The following CTNNA3 variants were observed in gnomAD, a reference collection of about 807,000 sequenced individuals.
CTNNA3 encodes catenin alpha-3.
Under a neutral mutation model 95.7 loss-of-function variants are expected in CTNNA3, and 76 were observed. The ratio of observed to expected loss-of-function variants is 0.79; its 90% CI spans 0.66 to 0.96. CTNNA3 has a LOEUF of 0.96. Ranked by LOEUF, CTNNA3 falls within the 40% of genes least tolerant of loss-of-function variation. The probability of loss-of-function intolerance (pLI) is 0.00; values close to 1 mark genes in which losing one functional copy is unlikely to be tolerated. For synonymous variants in CTNNA3, 431 were observed against 374.4 expected (o/e 1.15, Z -1.74); for missense variants, 1,191 against 1,089.8 (o/e 1.09, Z -1.31).
At chr10:67,611,317 CTTT>C (rs758580479) in intron 2 of CTNNA3, among the ~76,000 whole-genome samples, 2 of 144,086 alleles carry the variant, frequency 1.4e-5, no homozygotes, top group African/African-American at 2.5e-5. Context: ...AATATGTTGA[CTTT>C]TTTTTTTTTT....
intron 1 of CTNNA3, among the ~76,000 whole-genome samples, chr10:67,711,907 A>C (rs1189905216): frequency 2.0e-5 from 3 of 152,098 alleles, no homozygotes; most frequent in Non-Finnish European, 4.4e-5. Context: ...TACAAAGGAC[A>C]TGAACTCATC....
chr10:66,164,653 T>G (rs2133944533), intron 13 of CTNNA3, among the ~76,000 whole-genome samples: 1 of 152,332 alleles, frequency 6.6e-6, no homozygotes, highest in East Asian at 1.9e-4. Context: ...AAAATCTCTG[T>G]AAATGTTATT....
intron 9 of CTNNA3, among the ~76,000 whole-genome samples, chr10:66,661,104 T>C (rs901374884): frequency 6.6e-6 from 1 of 152,084 alleles, no homozygotes; most frequent in African/African-American, 2.4e-5. Context: ...TATTTTTTGA[T>C]ACTAAACAAT....
intron 15 of CTNNA3, among the ~76,000 whole-genome samples, chr10:66,020,648 A>C (rs2079183561): frequency 6.6e-6 from 1 of 151,262 alleles, no homozygotes; most frequent in Non-Finnish European, 1.5e-5. Flanking sequence ...TTGAAGCCTA[A>C]ACACTTGCTG....
chr10:67,595,189 T>G (rs1842902908), intron 3 of CTNNA3, among the ~76,000 whole-genome samples: 1 of 152,210 alleles, frequency 6.6e-6, no homozygotes, highest in Non-Finnish European at 1.5e-5. Flanking sequence ...TTGAGGTTGT[T>G]TTTCTCTTGC....
chr10:67,628,684 CTG>C (rs1022211193), intron 2 of CTNNA3, among the ~76,000 whole-genome samples: 11 of 151,978 alleles, frequency 7.2e-5, no homozygotes, highest in Non-Finnish European at 1.0e-4. Flanking sequence ...TGTTCCAAAA[CTG>C]TATGAGATTT....
rs188653521 is a variant in CTNNA3 at position 66,429,183 on chromosome 10, A to G, written c.1532-49831T>C. Reference sequence around the variant, plus strand: ...AATGGATAAAATCCTCTACACATACACCCTCCCAAGACTAAACCAGGAAGA... The same window carrying G: ...AATGGATAAAATCCTCTACACATACGCCCTCCCAAGACTAAACCAGGAAGA... On this transcript the variant is annotated intron_variant, in intron 11 of 17. Coordinates refer to ENST00000433211, the MANE Select transcript of CTNNA3 (RefSeq NM_013266.4). Among the ~76,000 whole-genome samples the G allele has an allele frequency of 3.3e-3, 505 of 152,250 alleles. 1 individual carries two copies. The highest frequency in any genetic ancestry group is 0.012 in the African/African-American group (484 of 41,540).
At chr10:67,410,695 A>G (rs1326367947) in intron 5 of CTNNA3, among the ~76,000 whole-genome samples, 1 of 151,992 alleles carries the variant, frequency 6.6e-6, no homozygotes, top group Admixed American at 6.6e-5. Context: ...AATATGTAAT[A>G]AAGTATGTCC....
chr10:66,775,865 A>G (rs1457827172), intron 7 of CTNNA3, among the ~76,000 whole-genome samples: 1 of 152,222 alleles, frequency 6.6e-6, no homozygotes, highest in Non-Finnish European at 1.5e-5. Context: ...TAAAAGCATT[A>G]GATGCCCAAT....
intron 15 of CTNNA3, among the ~76,000 whole-genome samples, chr10:65,992,208 C>T (rs1203291223): frequency 6.6e-6 from 1 of 151,884 alleles, no homozygotes; most frequent in African/African-American, 2.4e-5. Flanking sequence ...CTGTAGTTTT[C>T]TTTCTTTCTT....
intron 11 of CTNNA3, among the ~76,000 whole-genome samples, chr10:66,413,736 G>A (rs2093125649): frequency 1.3e-5 from 2 of 152,254 alleles, no homozygotes; most frequent in South Asian, 4.1e-4. Flanking sequence ...TATCCAGAAG[G>A]TTAGACATAA....
intron 7 of CTNNA3, among the ~76,000 whole-genome samples, chr10:66,844,194 C>T (rs975695857): frequency 6.6e-6 from 1 of 152,156 alleles, no homozygotes; most frequent in Non-Finnish European, 1.5e-5. Context: ...GAATTAGGCA[C>T]TTTCTTAAAT....
chr10:66,701,284 TCAGG>T (rs1847933755), intron 9 of CTNNA3, among the ~76,000 whole-genome samples: 1 of 152,180 alleles, frequency 6.6e-6, no homozygotes, highest in African/African-American at 2.4e-5. Context: ...AGTTTTGAAA[TCAGG>T]CAGTCTTAGT....
At position 67,734,865 on chromosome 10, in the gene CTNNA3, GT is replaced by G. The variant is rs544136858; in HGVS notation, c.-2+28568del. On this transcript the variant is annotated intron_variant, in intron 1 of 17. Coordinates refer to the CTNNA3 transcript ENST00000684154. ...ATAATCTAAATGTCCTATAACATGGGTTTTTTTTAAATAAAACCTATGATAC... is the reference window on the plus strand; with the variant it reads ...ATAATCTAAATGTCCTATAACATGGGTTTTTTTAAATAAAACCTATGATAC... Among the ~76,000 whole-genome samples the G allele has an allele frequency of 7.3e-5, 11 of 151,644 alleles. 1 individual carries two copies. The highest frequency in any genetic ancestry group is 2.4e-4 in the African/African-American group (10 of 41,254).
intron 2 of CTNNA3, among the ~76,000 whole-genome samples, chr10:67,641,885 C>T (rs906871335): frequency 6.6e-6 from 1 of 152,112 alleles, no homozygotes; most frequent in Non-Finnish European, 1.5e-5. Context: ...GGAGTGATAG[C>T]ATTAGGAGGT....
intron 9 of CTNNA3, among the ~76,000 whole-genome samples, chr10:66,663,286 T>C (rs562873828): frequency 5.2e-4 from 79 of 152,104 alleles, no homozygotes; most frequent in Non-Finnish European, 9.6e-4. Context: ...TCCCCAGTCA[T>C]GACCATCAAC....
intron 5 of CTNNA3, among the ~76,000 whole-genome samples, chr10:67,349,190 G>A (rs1842543176): frequency 6.6e-6 from 1 of 152,114 alleles, no homozygotes; most frequent in Admixed American, 6.6e-5. Context: ...TGATTCAGCA[G>A]TCCCACTCTG....
At chr10:67,064,502 T>C (rs921267104) in intron 7 of CTNNA3, among the ~76,000 whole-genome samples, 1 of 152,226 alleles carries the variant, frequency 6.6e-6, no homozygotes, top group African/African-American at 2.4e-5. Context: ...TTACATCATC[T>C]ATAGACACTG....
At chr10:66,549,329 C>T (rs958259589) in intron 10 of CTNNA3, among the ~76,000 whole-genome samples, 1 of 152,126 alleles carries the variant, frequency 6.6e-6, no homozygotes, top group African/African-American at 2.4e-5. Flanking sequence ...TTGAATTAAC[C>T]AGTGAAATCA....
Sources: gnomAD v4.1 joint callset for allele counts (sites outside exome capture counted in the v4.1 genomes callset) on GRCh38, gnomAD v4.1.1 for gene constraint, MANE v1.5 for transcripts, NCBI Gene and HGNC (gene_info 2026-07-23, HGNC 2026-07-21) for gene names.